PIAS2: variants seen among roughly 807,000 people sequenced by gnomAD.
The protein encoded by PIAS2 is E3 SUMO-protein ligase PIAS2.
In PIAS2, 19 loss-of-function variants were observed where a neutral mutation model predicts 69.7. The ratio of observed to expected loss-of-function variants is 0.27; its 90% CI spans 0.19 to 0.40. The LOEUF is 0.40. Among genes scored for constraint, PIAS2 ranks in the 10% least tolerant of loss-of-function variants. The pLI is 1.00. For synonymous variants in PIAS2, 261 were observed against 263.2 expected (o/e 0.99, Z 0.08); for missense variants, 624 against 757.0 (o/e 0.82, Z 2.06).
At chr18:46,905,525 A>G (rs1186175368) in intron 1 of PIAS2, among the ~76,000 whole-genome samples, 1 of 152,144 alleles carries the variant, frequency 6.6e-6, no homozygotes, top group African/African-American at 2.4e-5. Context: ...TAAAGAGCAT[A>G]AACAATATCA....
chr18:46,854,587 A>C (rs2047457597), intron 5 of PIAS2, among the ~76,000 whole-genome samples: 1 of 152,212 alleles, frequency 6.6e-6, no homozygotes, highest in Non-Finnish European at 1.5e-5. Flanking sequence ...TATTTTATTA[A>C]GACTTGACTA....
intron 3 of PIAS2, among the ~76,000 whole-genome samples, chr18:46,856,293 C>T (rs1464184484): frequency 6.6e-6 from 1 of 151,584 alleles, no homozygotes; most frequent in Non-Finnish European, 1.5e-5. Flanking sequence ...AGACACTGCA[C>T]CTGGCCAAAG....
At chr18:46,817,314 A>T in intron 12 of PIAS2, 1 of 983,974 alleles carries the variant, frequency 1.0e-6, no homozygotes, top group African/African-American at 1.7e-5. Flanking sequence ...CTCATTTTCT[A>T]AATGTTCAAC....
rs2043030304 is a variant in PIAS2 at position 46,827,786 on chromosome 18, C to T, written c.1508+173G>A. On this transcript the variant is annotated intron_variant, in intron 11 of 13. Coordinates refer to ENST00000585916, the MANE Select transcript of PIAS2 (RefSeq NM_004671.5). Reference sequence around the variant, plus strand: ...CCAAAGATGTAAATATTTTCTCCATCAAAATTTGCTTCCTATAAACAATGT... The same window carrying T: ...CCAAAGATGTAAATATTTTCTCCATTAAAATTTGCTTCCTATAAACAATGT... 1.2e-5 allele frequency: 6 copies of T among 512,630 alleles called. No individual in the cohort carries two copies. In the South Asian group the frequency reaches 2.1e-4, roughly 18 times the overall value. The allele number at this position is 512,630 out of a possible 1,614,324, so 31.8% of individuals were successfully genotyped here. A position where few individuals can be genotyped will look rare whatever the true frequency, so the allele number is the denominator to read the frequency against.
chr18:46,814,129 T>C (rs1008107525), intron 13 of PIAS2, among the ~76,000 whole-genome samples: 1 of 152,152 alleles, frequency 6.6e-6, no homozygotes, highest in Non-Finnish European at 1.5e-5. Flanking sequence ...CTTAGTAGTA[T>C]TCAGATTGCA....
chr18:46,858,781 T>C (rs1029298695), intron 3 of PIAS2, among the ~76,000 whole-genome samples: 2 of 152,052 alleles, frequency 1.3e-5, no homozygotes, highest in Non-Finnish European at 2.9e-5. Context: ...TAAAAAATGG[T>C]AAGACTTGAT....
intron 2 of PIAS2, among the ~76,000 whole-genome samples, chr18:46,880,012 G>A (rs975267305): frequency 6.6e-6 from 1 of 151,240 alleles, no homozygotes; most frequent in African/African-American, 2.4e-5. Context: ...ATAGATGGCA[G>A]CGATGGTTCC....
At chr18:46,842,440 A>T (rs1460879911) in intron 8 of PIAS2, among the ~76,000 whole-genome samples, 1 of 152,132 alleles carries the variant, frequency 6.6e-6, no homozygotes, top group Non-Finnish European at 1.5e-5. Flanking sequence ...CTCCTTAGGT[A>T]AGTTGTGTAG....
chr18:46,818,076 T>C, intron 12 of PIAS2: 1 of 1,001,816 alleles, frequency 1.0e-6, no homozygotes, highest in Non-Finnish European at 1.2e-6. Context: ...CATTATTTTA[T>C]TAACACTGAT....
At chr18:46,856,006 T>TTG (rs2047726777) in intron 3 of PIAS2, among the ~76,000 whole-genome samples, 2 of 118,386 alleles carry the variant, frequency 1.7e-5, no homozygotes, top group African/African-American at 3.1e-5. Flanking sequence ...TGTTTTTTTT[T>TTG]TTTTTTTTTT....
chr18:46,803,271 T>C lies in PIAS2; in HGVS notation c.*9162A>G, dbSNP rs2040548933. On this transcript the variant is annotated 3_prime_UTR_variant, in exon 14 of 14. Coordinates refer to ENST00000585916, the MANE Select transcript of PIAS2 (RefSeq NM_004671.5). The stretch of plus-strand genomic sequence containing the variant: ...TCTTTAATGTCTTACAATCAGGTAC[T>C]TAGATTCAATAAAATATGGTGGTAT... 1 of 152,120 alleles carries C rather than the reference T, an allele frequency of 6.6e-6. No individual in the cohort carries two copies. 9.4% of individuals were successfully genotyped at this position (152,120 alleles called of 1,614,324 possible). A position where few individuals can be genotyped will look rare whatever the true frequency, so the allele number is the denominator to read the frequency against.
At chr18:46,917,532 G>A (rs1398971542), upstream of PIAS2, 1 of 1,148,354 alleles carries the variant, frequency 8.7e-7, no homozygotes, top group Non-Finnish European at 1.1e-6. Context: ...CTCCGCCTCC[G>A]ACGCGCCGAA....
chr18:46,854,346 G>A (rs978545114), intron 5 of PIAS2, among the ~76,000 whole-genome samples: 5 of 152,192 alleles, frequency 3.3e-5, no homozygotes, highest in Non-Finnish European at 5.9e-5. Context: ...CAATAGTTGC[G>A]AAGAGTGTCA....
At chr18:46,829,974 C>A in intron 9 of PIAS2, 107 bp from the exon 10 acceptor site, 1 of 951,776 alleles carries the variant, frequency 1.1e-6, no homozygotes, top group South Asian at 1.6e-5. Context: ...GTTAGCTGAC[C>A]CCCTTTTCTT....
intron 2 of PIAS2, among the ~76,000 whole-genome samples, chr18:46,889,383 TCAA>T (rs2053711739): frequency 6.6e-6 from 1 of 152,002 alleles, no homozygotes; most frequent in Non-Finnish European, 1.5e-5. Flanking sequence ...CTCCTAAAAC[TCAA>T]CAACAATAAA....
chr18:46,840,172 AAAAG>A (rs925612964), intron 8 of PIAS2, among the ~76,000 whole-genome samples: 27 of 152,206 alleles, frequency 1.8e-4, no homozygotes, highest in African/African-American at 6.0e-4. Context: ...AAAAGAAAGA[AAAAG>A]AAAAAAAAAA....
intron 2 of PIAS2, among the ~76,000 whole-genome samples, chr18:46,876,139 C>T (rs938635889): frequency 6.6e-6 from 1 of 152,238 alleles, no homozygotes; most frequent in African/African-American, 2.4e-5. Flanking sequence ...ACTGGACACT[C>T]TGCCAAGTAA....
chr18:46,893,746 A>C (rs1411240385), intron 1 of PIAS2, among the ~76,000 whole-genome samples: 4 of 152,166 alleles, frequency 2.6e-5, no homozygotes, highest in African/African-American at 9.7e-5. Flanking sequence ...TTCAAGCCCA[A>C]GCACCAAGAC....
chr18:46,891,088 C>A (rs778606295), intron 1 of PIAS2, 34 bp from the exon 2 acceptor site: 3 of 1,395,736 alleles, frequency 2.1e-6, no homozygotes, highest in African/African-American at 2.9e-5. Context: ...TAAGCCAAGT[C>A]ACCCTCAAGC....
Sources: allele counts gnomAD v4.1 joint callset (sites outside exome capture counted in the v4.1 genomes callset), GRCh38; gene constraint gnomAD v4.1.1; transcripts MANE v1.5; gene names NCBI Gene and HGNC (gene_info 2026-07-23, HGNC 2026-07-21).